The following ARB2A variants were observed in gnomAD, a reference collection of about 807,000 sequenced individuals.
ARB2A encodes the protein cotranscriptional regulator ARB2A.
chr5:94,083,573 A>C, the ARB2A span, among the ~76,000 whole-genome samples: 1 of 152,164 alleles, frequency 6.6e-6, no homozygotes, highest in Non-Finnish European at 1.5e-5. Context: ...ACTTACAACA[A>C]AATTACTCTT....
the ARB2A span, chr5:93,736,153 C>T: frequency 6.6e-6 from 1 of 152,082 alleles, no homozygotes; most frequent in Non-Finnish European, 1.5e-5. Flanking sequence ...GGTTCATTTA[C>T]ACTTGCTTTG....
At chr5:93,950,381 A>C in the ARB2A span, among the ~76,000 whole-genome samples, 1 of 152,138 alleles carries the variant, frequency 6.6e-6, no homozygotes, top group Non-Finnish European at 1.5e-5. Context: ...AGCATTTGTT[A>C]CTGCCTAACT....
the ARB2A span, among the ~76,000 whole-genome samples, chr5:93,899,390 T>TC: frequency 6.6e-6 from 1 of 152,078 alleles, no homozygotes; most frequent in African/African-American, 2.4e-5. Flanking sequence ...CTGTAAAAGT[T>TC]CTTTTTCGTT....
At chr5:93,668,892 A>G in the ARB2A span, among the ~76,000 whole-genome samples, 1 of 152,174 alleles carries the variant, frequency 6.6e-6, no homozygotes, top group African/African-American at 2.4e-5. Flanking sequence ...CATTGCATCT[A>G]CTCAATCTAC....
chr5:94,009,508 A>G, the ARB2A span, among the ~76,000 whole-genome samples: 1 of 152,056 alleles, frequency 6.6e-6, no homozygotes, highest in African/African-American at 2.4e-5. Flanking sequence ...CTTACCTTAC[A>G]TAGAATTAAT....
chr5:93,797,238 A>C, the ARB2A span, among the ~76,000 whole-genome samples: 3 of 152,154 alleles, frequency 2.0e-5, no homozygotes, highest in South Asian at 6.2e-4. Flanking sequence ...TGTGTGAGTG[A>C]AGGTGAATTA....
chr5:93,899,897 A>G, the ARB2A span, among the ~76,000 whole-genome samples: 1 of 152,198 alleles, frequency 6.6e-6, no homozygotes, highest in Non-Finnish European at 1.5e-5. Context: ...AAATATTAGC[A>G]CAAACATTTT....
the ARB2A span, among the ~76,000 whole-genome samples, chr5:93,651,941 G>T: frequency 2.2e-4 from 33 of 151,934 alleles, no homozygotes; most frequent in Non-Finnish European, 4.6e-4. Flanking sequence ...ATTACAAAAG[G>T]TATAGCTAAA....
At chr5:94,107,203 T>C in the ARB2A span, among the ~76,000 whole-genome samples, 19 of 152,292 alleles carry the variant, frequency 1.2e-4, no homozygotes, top group East Asian at 2.1e-3. Flanking sequence ...AAGCAAAAAT[T>C]ATCTCAATTA....
chr5:93,674,487 T>A, the ARB2A span, among the ~76,000 whole-genome samples: 1 of 152,178 alleles, frequency 6.6e-6, no homozygotes, highest in Admixed American at 6.5e-5. Flanking sequence ...TCGATCTCAC[T>A]TATCGACTCA....
chr5:93,776,920 A>G, the ARB2A span, among the ~76,000 whole-genome samples: 1 of 152,184 alleles, frequency 6.6e-6, no homozygotes, highest in Admixed American at 6.5e-5. Flanking sequence ...TCCATTTTTG[A>G]CTTTCAGATT....
chr5:94,019,234 T>C, the ARB2A span, among the ~76,000 whole-genome samples: 1 of 152,058 alleles, frequency 6.6e-6, no homozygotes, highest in African/African-American at 2.4e-5. Context: ...GCAATACCAT[T>C]CAGGACATAG....
chr5:93,629,711 G>A, the ARB2A span, among the ~76,000 whole-genome samples: 4 of 152,074 alleles, frequency 2.6e-5, no homozygotes. Flanking sequence ...AAAGAAAAAG[G>A]TAATGAATAA....
At chr5:93,752,235 G>A in the ARB2A span, among the ~76,000 whole-genome samples, 2 of 152,152 alleles carry the variant, frequency 1.3e-5, no homozygotes, top group Non-Finnish European at 2.9e-5. Flanking sequence ...GAAAATGTGT[G>A]TCTTAGGTAC....
At chr5:93,824,255 G>A in the ARB2A span, 11 of 1,580,514 alleles carry the variant, frequency 7.0e-6, no homozygotes, top group Non-Finnish European at 9.5e-6. Context: ...TGTTCTTCAG[G>A]AGAACCATTT....
At chr5:93,730,588 C>G in the ARB2A span, among the ~76,000 whole-genome samples, 1 of 152,122 alleles carries the variant, frequency 6.6e-6, no homozygotes, top group East Asian at 1.9e-4. Context: ...AGAAAACAGT[C>G]ACTGTCTAAA....
the ARB2A span, among the ~76,000 whole-genome samples, chr5:93,670,090 C>A: frequency 4.7e-4 from 72 of 152,042 alleles, no homozygotes; most frequent in Middle Eastern, 6.8e-3. Flanking sequence ...CCTTCCTATC[C>A]CCTCACTTCC....
At chr5:93,834,543 G>A in the ARB2A span, among the ~76,000 whole-genome samples, 3 of 152,224 alleles carry the variant, frequency 2.0e-5, no homozygotes, top group South Asian at 2.1e-4. Flanking sequence ...ACTATATACA[G>A]TGTTTAAGAA....
chr5:93,763,179 C>G, the ARB2A span, among the ~76,000 whole-genome samples: 26 of 151,856 alleles, frequency 1.7e-4, no homozygotes, highest in African/African-American at 6.1e-4. Context: ...ATGACAGGAT[C>G]AAATTCACAC....
Sources: gnomAD v4.1 joint callset for allele counts (sites outside exome capture counted in the v4.1 genomes callset) on GRCh38, gnomAD v4.1.1 for gene constraint, MANE v1.5 for transcripts, NCBI Gene and HGNC (gene_info 2026-07-23, HGNC 2026-07-21) for gene names.